The following TENM2 variants were observed in gnomAD, a reference collection of about 807,000 sequenced individuals.
TENM2 encodes the protein teneurin transmembrane protein 2, also known as teneurin-2.
TENM2 carries 52 observed loss-of-function variants against 245.2 expected under a neutral mutation model. That is an observed-to-expected ratio of 0.21 (90% CI 0.17 to 0.27). TENM2 has a LOEUF of 0.27. TENM2 is among the 10% of genes least tolerant of loss of function. TENM2 has a pLI of 1.00. For missense variants in TENM2, 3,046 were observed against 3,666.8 expected, an observed-to-expected ratio of 0.83 and a Z score of 4.37; for synonymous variants, 1,363 against 1,438.9, an observed-to-expected ratio of 0.95 and a Z score of 1.19.
At chr5:167,179,703 T>C in the TENM2 span, among the ~76,000 whole-genome samples, 1 of 152,072 alleles carries the variant, frequency 6.6e-6, no homozygotes, top group East Asian at 1.9e-4. Context: ...CAGAGGACAA[T>C]AGAAGAAATT....
chr5:167,800,935 T>G (rs745375796), intron 2 of TENM2, among the ~76,000 whole-genome samples: 20 of 151,712 alleles, frequency 1.3e-4, no homozygotes, highest in African/African-American at 4.6e-4. Flanking sequence ...TTCTGGAATT[T>G]ATTAGATCTT....
chr5:167,088,385 G>A, the TENM2 span, among the ~76,000 whole-genome samples: 1 of 152,112 alleles, frequency 6.6e-6, no homozygotes, highest in Non-Finnish European at 1.5e-5. Context: ...CCAGCACTGT[G>A]GGAGGCTGAG....
At chr5:167,148,897 T>C in the TENM2 span, among the ~76,000 whole-genome samples, 1 of 152,214 alleles carries the variant, frequency 6.6e-6, no homozygotes, top group African/African-American at 2.4e-5. Context: ...TAAAATTTAT[T>C]ACCAGGAGCT....
At chr5:167,387,462 A>G (rs1561915072) in intron 2 of TENM2, among the ~76,000 whole-genome samples, 1 of 152,122 alleles carries the variant, frequency 6.6e-6, no homozygotes, top group Non-Finnish European at 1.5e-5. Flanking sequence ...TATCATCAGC[A>G]AACAGTGATG....
intron 4 of TENM2, among the ~76,000 whole-genome samples, chr5:167,958,744 A>T (rs571865125): frequency 3.9e-4 from 60 of 152,292 alleles, no homozygotes; most frequent in African/African-American, 1.3e-3. Context: ...TATGAAGCTT[A>T]GTTTGACTGG....
At chr5:167,755,115 A>G in intron 2 of TENM2, 1 of 1,599,104 alleles carries the variant, frequency 6.3e-7, no homozygotes, top group Non-Finnish European at 8.5e-7. Flanking sequence ...AAGCCAGATC[A>G]TCTCTTATGG....
chr5:168,024,218 G>A (rs1786410852), intron 5 of TENM2, among the ~76,000 whole-genome samples: 1 of 152,104 alleles, frequency 6.6e-6, no homozygotes, highest in Non-Finnish European at 1.5e-5. Context: ...GATTCCAGGA[G>A]AAATATATCC....
chr5:168,136,036 C>T (rs1755017517), intron 12 of TENM2, among the ~76,000 whole-genome samples: 1 of 152,200 alleles, frequency 6.6e-6, no homozygotes, highest in Non-Finnish European at 1.5e-5. Context: ...ATGTGGTTGA[C>T]TCCCCTTGAC....
chr5:167,013,723 A>G, the TENM2 span, among the ~76,000 whole-genome samples: 1 of 152,188 alleles, frequency 6.6e-6, no homozygotes, highest in African/African-American at 2.4e-5. Context: ...AAATAAAGAA[A>G]GAAATTCAAG....
intron 13 of TENM2, among the ~76,000 whole-genome samples, chr5:168,176,561 C>T (rs1759378671): frequency 6.6e-6 from 1 of 152,136 alleles, no homozygotes. Flanking sequence ...GCAGAAAATC[C>T]CCTCCTTCAT....
chr5:167,737,236 G>T (rs1760865790), intron 2 of TENM2, among the ~76,000 whole-genome samples: 1 of 152,170 alleles, frequency 6.6e-6, no homozygotes, highest in African/African-American at 2.4e-5. Context: ...CACCCCGTGA[G>T]CTCCTGCAAA....
chr5:167,859,297 G>A (rs1771433166), intron 2 of TENM2, among the ~76,000 whole-genome samples: 1 of 136,918 alleles, frequency 7.3e-6, no homozygotes, highest in Admixed American at 7.0e-5. Context: ...TGAGAAGTGA[G>A]GAGCCTCTCC....
intron 2 of TENM2, among the ~76,000 whole-genome samples, chr5:167,644,230 T>A (rs1025562309): frequency 6.6e-6 from 1 of 152,212 alleles, no homozygotes; most frequent in African/African-American, 2.4e-5. Flanking sequence ...ATAAAGTTTA[T>A]TAACTAAGCA....
chr5:168,007,024 T>C (rs1486173983), intron 5 of TENM2, among the ~76,000 whole-genome samples: 1 of 152,184 alleles, frequency 6.6e-6, no homozygotes, highest in African/African-American at 2.4e-5. Context: ...TTTTTGAAGA[T>C]TGTATGAAGT....
chr5:167,752,069 TTCTCATGCAGC>T (rs763476989), intron 2 of TENM2, among the ~76,000 whole-genome samples: 9 of 151,510 alleles, frequency 5.9e-5, no homozygotes, highest in Non-Finnish European at 1.0e-4. Flanking sequence ...TTACACAAAG[TTCTCATGCAGC>T]TCTTGGGGCC....
chr5:168,036,761 A>T (rs13155803), intron 5 of TENM2, among the ~76,000 whole-genome samples: 1 of 148,406 alleles, frequency 6.7e-6, no homozygotes, highest in Admixed American at 6.8e-5. Flanking sequence ...ATGTATGTGT[A>T]TATATATACG....
intron 2 of TENM2, among the ~76,000 whole-genome samples, chr5:167,788,833 A>G (rs1018258728): frequency 6.6e-6 from 1 of 152,174 alleles, no homozygotes; most frequent in African/African-American, 2.4e-5. Context: ...TCGATTACTG[A>G]GCCAAGAAGT....
At chr5:167,301,844 A>C (rs1755345315) in intron 1 of TENM2, among the ~76,000 whole-genome samples, 1 of 152,072 alleles carries the variant, frequency 6.6e-6, no homozygotes, top group African/African-American at 2.4e-5. Flanking sequence ...CAGGTGGGGG[A>C]GGGCTAGTCA....
At chr5:167,850,507 A>G (rs1168873492) in intron 2 of TENM2, among the ~76,000 whole-genome samples, 1 of 152,218 alleles carries the variant, frequency 6.6e-6, no homozygotes, top group South Asian at 2.1e-4. Flanking sequence ...GAGAGAAGAC[A>G]TTGTTCAAAA....
Sources: allele counts gnomAD v4.1 joint callset (sites outside exome capture counted in the v4.1 genomes callset), GRCh38; gene constraint gnomAD v4.1.1; transcripts MANE v1.5; gene names NCBI Gene and HGNC (gene_info 2026-07-23, HGNC 2026-07-21).